Variants in SGCZ observed in about 807,000 individuals in gnomAD.
SGCZ encodes zeta-sarcoglycan.
SGCZ carries 40 observed loss-of-function variants against 41.3 expected under a neutral mutation model. That is an observed-to-expected ratio of 0.97 (90% confidence interval 0.75 to 1.26). The LOEUF is 1.26. SGCZ is among the 50% of genes most tolerant of loss of function. The probability of loss-of-function intolerance (pLI) is 0.00; values close to 1 mark genes in which losing one functional copy is unlikely to be tolerated. For synonymous variants in SGCZ, 206 were observed against 137.5 expected (o/e 1.50, Z -3.49); for missense variants, 552 against 369.8 (o/e 1.49, Z -4.04).
intron 2 of SGCZ, among the ~76,000 whole-genome samples, chr8:14,414,104 A>G (rs1334291314): frequency 1.3e-5 from 2 of 152,034 alleles, no homozygotes; most frequent in Non-Finnish European, 2.9e-5. Context: ...AGTCTTAGCT[A>G]TATAATGTGA....
chr8:14,307,713 C>G (rs918930299), intron 3 of SGCZ, among the ~76,000 whole-genome samples: 1 of 151,962 alleles, frequency 6.6e-6, no homozygotes, highest in Non-Finnish European at 1.5e-5. Flanking sequence ...ATTTTATTAA[C>G]AAAGTGGTGA....
intron 1 of SGCZ, among the ~76,000 whole-genome samples, chr8:14,699,146 G>C (rs1809057318): frequency 1.3e-5 from 2 of 150,972 alleles, no homozygotes; most frequent in African/African-American, 2.4e-5. Flanking sequence ...GTGTTGAATA[G>C]TAACAACAGA....
chr8:15,096,149 C>T (rs1299043411), intron 1 of SGCZ, among the ~76,000 whole-genome samples: 1 of 152,032 alleles, frequency 6.6e-6, no homozygotes, highest in African/African-American at 2.4e-5. Context: ...GCAATCTCGG[C>T]TCACTGCAAT....
intron 2 of SGCZ, among the ~76,000 whole-genome samples, chr8:14,496,933 G>A (rs1311751622): frequency 6.6e-6 from 1 of 151,888 alleles, no homozygotes; most frequent in Non-Finnish European, 1.5e-5. Flanking sequence ...TTCCCACATT[G>A]TTGTAGGTTC....
intron 2 of SGCZ, among the ~76,000 whole-genome samples, chr8:14,527,510 G>A (rs1802989992): frequency 6.6e-6 from 1 of 152,006 alleles, no homozygotes. Context: ...TCACTATTTT[G>A]CCCAGGGTGA....
intron 2 of SGCZ, among the ~76,000 whole-genome samples, chr8:14,479,738 T>C (rs1801474012): frequency 1.9e-4 from 4 of 21,302 alleles, no homozygotes; most frequent in African/African-American, 5.3e-4. Flanking sequence ...CTTCTTTTTT[T>C]TTTTTTTTTT....
chr8:14,194,944 G>T (rs1805218426), intron 4 of SGCZ, among the ~76,000 whole-genome samples: 2 of 152,156 alleles, frequency 1.3e-5, no homozygotes, highest in South Asian at 4.1e-4. Flanking sequence ...AACCTCACGT[G>T]CAGAATTCAG....
chr8:14,275,115 C>G (rs1800185335), intron 3 of SGCZ, among the ~76,000 whole-genome samples: 1 of 152,110 alleles, frequency 6.6e-6, no homozygotes, highest in East Asian at 1.9e-4. Flanking sequence ...AAACATGTGT[C>G]CATAGTTATG....
intron 1 of SGCZ, among the ~76,000 whole-genome samples, chr8:14,688,696 A>G (rs576721683): frequency 6.6e-6 from 1 of 152,240 alleles, no homozygotes; most frequent in African/African-American, 2.4e-5. Context: ...TTGGTGCCAT[A>G]TGAACTTTAA....
intron 4 of SGCZ, among the ~76,000 whole-genome samples, chr8:14,193,754 A>T (rs7819363): frequency 0.99 from 151,221 of 152,036 alleles, 75,211 homozygotes; most frequent in East Asian, 1. Flanking sequence ...ACTTGTCTGA[A>T]TGTCTAGCTT....
intron 1 of SGCZ, among the ~76,000 whole-genome samples, chr8:14,868,597 T>C (rs1430736495): frequency 6.6e-6 from 1 of 152,114 alleles, no homozygotes; most frequent in Non-Finnish European, 1.5e-5. Context: ...CTGAAATTTG[T>C]TTTACATGTA....
At chr8:14,438,442 A>C (rs1050594908) in intron 2 of SGCZ, among the ~76,000 whole-genome samples, 1 of 151,906 alleles carries the variant, frequency 6.6e-6, no homozygotes, top group Non-Finnish European at 1.5e-5. Context: ...TTTTCTAGGG[A>C]GAGAAAATTA....
At chr8:15,135,570 A>G (rs1467679408) in intron 1 of SGCZ, among the ~76,000 whole-genome samples, 1 of 152,186 alleles carries the variant, frequency 6.6e-6, no homozygotes, top group Non-Finnish European at 1.5e-5. Flanking sequence ...TTGAGCAAGA[A>G]CGTTTTTCTG....
intron 3 of SGCZ, among the ~76,000 whole-genome samples, chr8:14,238,112 T>C (rs1267596393): frequency 6.6e-6 from 1 of 152,252 alleles, no homozygotes; most frequent in Non-Finnish European, 1.5e-5. Flanking sequence ...CTAATCAGTG[T>C]AACTACAGAG....
chr8:15,050,633 C>T (rs1804477777), intron 1 of SGCZ, among the ~76,000 whole-genome samples: 1 of 152,072 alleles, frequency 6.6e-6, no homozygotes, highest in Admixed American at 6.6e-5. Context: ...GAGTTTTCAA[C>T]ATGGAGGTCA....
intron 3 of SGCZ, among the ~76,000 whole-genome samples, chr8:14,311,426 G>A (rs1801539730): frequency 6.6e-6 from 1 of 152,056 alleles, no homozygotes; most frequent in African/African-American, 2.4e-5. Flanking sequence ...CTGACAGGAG[G>A]ATATGGGTGC....
chr8:14,979,276 G>C (rs7835159), intron 1 of SGCZ, among the ~76,000 whole-genome samples: 2 of 152,058 alleles, frequency 1.3e-5, no homozygotes, highest in African/African-American at 4.8e-5. Context: ...AAACATGTAT[G>C]ACTGTAATAC....
chr8:14,738,398 T>G (rs2130267285), intron 1 of SGCZ, among the ~76,000 whole-genome samples: 1 of 152,242 alleles, frequency 6.6e-6, no homozygotes, highest in Non-Finnish European at 1.5e-5. Flanking sequence ...GTTATCAAAT[T>G]ACTTTTAAAA....
chr8:14,395,864 T>G (rs1445655277), intron 2 of SGCZ, among the ~76,000 whole-genome samples: 2 of 151,746 alleles, frequency 1.3e-5, no homozygotes, highest in South Asian at 2.1e-4. Context: ...GAATCACTAC[T>G]TAAAGTTACT....
Sources: allele counts gnomAD v4.1 joint callset (sites outside exome capture counted in the v4.1 genomes callset), GRCh38; gene constraint gnomAD v4.1.1; transcripts MANE v1.5; gene names NCBI Gene and HGNC (gene_info 2026-07-23, HGNC 2026-07-21).